RAMP1: variants seen among roughly 807,000 people sequenced by gnomAD.
The protein encoded by RAMP1 is receptor activity-modifying protein 1.
RAMP1 carries 7 observed loss-of-function variants against 8.2 expected under a neutral mutation model. The ratio of observed to expected loss-of-function variants is 0.85; its 90% CI spans 0.49 to 1.60. The LOEUF (loss-of-function observed/expected upper bound fraction) is 1.60, where lower values mean the gene tolerates loss of function less well. Among genes scored for constraint, RAMP1 ranks in the 40% most tolerant of loss-of-function variants. The probability of loss-of-function intolerance (pLI) is 0.00; values close to 1 mark genes in which losing one functional copy is unlikely to be tolerated. For missense variants in RAMP1, 192 were observed against 202.4 expected (o/e 0.95, Z 0.31); for synonymous variants, 92 against 84.7 (o/e 1.09, Z -0.47).
intron 1 of RAMP1, among the ~76,000 whole-genome samples, chr2:237,866,983 C>T (rs1393666736): frequency 6.6e-6 from 1 of 152,224 alleles, no homozygotes; most frequent in Non-Finnish European, 1.5e-5. Flanking sequence ...TGCATCTTGG[C>T]TTCCCGAAGT....
chr2:237,864,196 C>T (rs554953320), intron 1 of RAMP1, among the ~76,000 whole-genome samples: 9 of 152,292 alleles, frequency 5.9e-5, no homozygotes, highest in African/African-American at 1.9e-4. Flanking sequence ...GTACAGCTTG[C>T]CCAGGAAGCC....
intron 2 of RAMP1, among the ~76,000 whole-genome samples, chr2:237,892,776 C>G (rs1329958961): frequency 6.6e-6 from 1 of 151,954 alleles, no homozygotes; most frequent in Non-Finnish European, 1.5e-5. Flanking sequence ...CCTTCTCTCC[C>G]TCCCCCACTT....
intron 1 of RAMP1, among the ~76,000 whole-genome samples, chr2:237,863,502 C>G (rs57725361): frequency 6.6e-6 from 1 of 152,196 alleles, no homozygotes; most frequent in African/African-American, 2.4e-5. Context: ...TGCGTCAACA[C>G]GGCCACCATA....
At chr2:237,894,201 C>A (rs1399583908) in intron 2 of RAMP1, among the ~76,000 whole-genome samples, 2 of 151,998 alleles carry the variant, frequency 1.3e-5, no homozygotes, top group Non-Finnish European at 2.9e-5. Flanking sequence ...GAACTCCTGA[C>A]CTCAAGTGAT....
intron 2 of RAMP1, among the ~76,000 whole-genome samples, chr2:237,906,207 T>G (rs2062649555): frequency 6.6e-6 from 1 of 152,128 alleles, no homozygotes; most frequent in African/African-American, 2.4e-5. Context: ...TTCTGTTTTC[T>G]TCTTGAAACA....
Position 237,873,575 on chromosome 2 carries a change from T to TAA in RAMP1, c.53-3648_53-3647insAA, listed in dbSNP as rs1174628941. Among the ~76,000 whole-genome samples, 3 of 152,264 alleles carry TAA rather than the reference T, an allele frequency of 2.0e-5. No individual in the cohort carries two copies. In the East Asian group the frequency reaches 5.8e-4, roughly 29 times the overall value. On this transcript the variant is annotated intron_variant, in intron 1 of 2. Coordinates refer to ENST00000254661, the MANE Select transcript of RAMP1 (RefSeq NM_005855.4). ...CTCAAGCAACACTGAGTTCCTAACT[T>TAA]ACGCACAGCTCGAGGGAAGTTTCCT...
intron 2 of RAMP1, among the ~76,000 whole-genome samples, chr2:237,902,369 C>T (rs1426438291): frequency 1.4e-5 from 2 of 145,810 alleles, no homozygotes; most frequent in African/African-American, 5.1e-5. Flanking sequence ...AGGGAGAGGC[C>T]AGGAGGAGAG....
chr2:237,869,311 C>T (rs1368601943), intron 1 of RAMP1, among the ~76,000 whole-genome samples: 1 of 152,202 alleles, frequency 6.6e-6, no homozygotes, highest in Non-Finnish European at 1.5e-5. Flanking sequence ...TACCATCTTA[C>T]CTATTTTTAA....
Position 237,859,709 on chromosome 2 carries a change from G to A in RAMP1, c.34G>A (p.Gly12Ser), listed in dbSNP as rs2062113358. ...GGCCCTGTGCCGCCTCCCGCGGCGC[G>A]GCCTCTGGCTGCTCCTGGGTGAGTA... ...ARALCRLPRR[G>S]LWLLLAHHLF... is the part of the protein sequence containing the mutation. Residue 12 changes from glycine (G) to serine (S), a missense_variant, in exon 1 of 3, where the codon GGC becomes AGC. Transcript: ENST00000254661. 6.6e-7 allele frequency: 1 copy of A among 1,512,636 alleles called. No individual in the cohort carries two copies. Among genetic ancestry groups the A allele is most frequent in the Non-Finnish European group, 8.8e-7 (1 of 1,131,226 alleles). The allele number at this position is 1,512,636 out of a possible 1,614,324, so 93.7% of individuals were successfully genotyped here.
chr2:237,902,467 A>AG (rs1470469765), intron 2 of RAMP1, among the ~76,000 whole-genome samples: 4 of 140,516 alleles, frequency 2.8e-5, no homozygotes, highest in Non-Finnish European at 4.6e-5. Flanking sequence ...GTCTCCGCAG[A>AG]GGGGGTGGGG....
chr2:237,899,748 A>C (rs1234704094), intron 2 of RAMP1, among the ~76,000 whole-genome samples: 1 of 152,216 alleles, frequency 6.6e-6, no homozygotes. Flanking sequence ...TAACTTTTTT[A>C]AATGAACTGG....
intron 2 of RAMP1, among the ~76,000 whole-genome samples, chr2:237,885,295 G>C (rs946958705): frequency 6.6e-6 from 1 of 152,184 alleles, no homozygotes; most frequent in Non-Finnish European, 1.5e-5. Context: ...ACCCCCACGA[G>C]GTCTCGGGAT....
chr2:237,900,130 T>C (rs140640149), intron 2 of RAMP1, among the ~76,000 whole-genome samples: 172 of 152,314 alleles, frequency 1.1e-3, no homozygotes, highest in African/African-American at 4.0e-3. Flanking sequence ...TTATACTTCT[T>C]CTTTTTCTTT....
intron 2 of RAMP1, among the ~76,000 whole-genome samples, chr2:237,903,362 C>G (rs556524184): frequency 6.6e-6 from 1 of 152,096 alleles, no homozygotes; most frequent in Non-Finnish European, 1.5e-5. Context: ...AGGATAATTC[C>G]CAGTAATGCA....
intron 2 of RAMP1, among the ~76,000 whole-genome samples, chr2:237,895,265 G>A (rs1387775699): frequency 6.6e-6 from 1 of 152,186 alleles, no homozygotes; most frequent in Non-Finnish European, 1.5e-5. Context: ...ACCCCCTGCT[G>A]TGCAAAGGGG....
At chr2:237,859,776 G>A (rs1177831292) in intron 1 of RAMP1, 49 bp downstream of exon 1, 1 of 1,474,482 alleles carries the variant, frequency 6.8e-7, no homozygotes, top group Non-Finnish European at 9.0e-7. Flanking sequence ...CTGGCCAGCC[G>A]GTGTCCTCTA....
In RAMP1 at chr2:237,878,866, T is replaced by C. The variant is rs2062336751; in HGVS notation, c.191+1504T>C. Among the ~76,000 whole-genome samples, 3 of 152,324 alleles carry C rather than the reference T, an allele frequency of 2.0e-5. No homozygotes were observed. Among genetic ancestry groups the C allele is most frequent in the African/African-American group, 2.4e-5 (1 of 41,576 alleles). On this transcript the variant is annotated intron_variant, in intron 2 of 2. Transcript: ENST00000254661. The surrounding 1 kb of genome is among the most constrained non-coding windows in gnomAD (Gnocchi z 5.7). ...CCAGTTCAGGTGGGAGAGTTGGTGC[T>C]CCCGAAGGTGGGAGGGCCAAAGTCA...
intron 1 of RAMP1, among the ~76,000 whole-genome samples, chr2:237,864,127 A>G (rs2062159780): frequency 6.6e-6 from 1 of 152,118 alleles, no homozygotes; most frequent in Non-Finnish European, 1.5e-5. Flanking sequence ...CCACGGGGGC[A>G]GGAGGGGAGG....
At chr2:237,901,886 G>A (rs1021895503) in intron 2 of RAMP1, among the ~76,000 whole-genome samples, 1 of 152,130 alleles carries the variant, frequency 6.6e-6, no homozygotes, top group Non-Finnish European at 1.5e-5. Flanking sequence ...GTGGAAGCTG[G>A]TATGTAAGTT....
Sources: gnomAD v4.1 joint callset for allele counts (sites outside exome capture counted in the v4.1 genomes callset) on GRCh38, gnomAD v4.1.1 for gene constraint, Gnocchi (gnomAD v3.1) non-coding constraint, MANE v1.5 for transcripts, NCBI Gene and HGNC (gene_info 2026-07-23, HGNC 2026-07-21) for gene names.